The following IL18R1 variants were observed in gnomAD, a reference collection of about 807,000 sequenced individuals.
IL18R1 encodes the protein interleukin 18 receptor 1, also known as interleukin-18 receptor 1.
A neutral mutation model predicts 48.5 loss-of-function variants in IL18R1; 40 were observed. The observed-to-expected ratio is 0.82, with a 90% CI of 0.64 to 1.07. The LOEUF is 1.07. Ranked by LOEUF, IL18R1 falls within the 50% of genes least tolerant of loss-of-function variation. IL18R1 has a pLI of 0.00. For missense variants in IL18R1, 596 were observed against 633.7 expected (o/e 0.94, Z 0.64); for synonymous variants, 232 against 225.9 (o/e 1.03, Z -0.24).
chr2:102,368,590 G>A lies in IL18R1; in HGVS notation c.302+522G>A, dbSNP rs142648864. On this transcript the variant is annotated intron_variant, in intron 3 of 10. Transcript: ENST00000233957. ...GTCTGGCAGCCAATCGCAACCCACA[G>A]CTGGCGGCAGTGAGAGAGGGCAACA... 1.4e-3 allele frequency among the ~76,000 whole-genome samples: 207 copies of A among 152,252 alleles called. 1 individual carries two copies. The highest frequency in any genetic ancestry group is 4.7e-3 in the African/African-American group (197 of 41,538).
At chr2:102,389,738 A>G (rs889771100) in intron 8 of IL18R1, among the ~76,000 whole-genome samples, 1 of 152,286 alleles carries the variant, frequency 6.6e-6, no homozygotes, top group South Asian at 2.1e-4. Context: ...GTGAGTCCCT[A>G]TGTGTTTCAG....
At chr2:102,357,266 C>T (rs186254985) in intron 1 of IL18R1, among the ~76,000 whole-genome samples, 23 of 151,764 alleles carry the variant, frequency 1.5e-4, no homozygotes, top group African/African-American at 5.1e-4. Context: ...CTGAGGTGGG[C>T]GGATCATGAG....
At chr2:102,360,068 CA>C (rs559737702) in intron 1 of IL18R1, among the ~76,000 whole-genome samples, 6 of 152,102 alleles carry the variant, frequency 3.9e-5, no homozygotes, top group Non-Finnish European at 8.8e-5. Context: ...GCCCATCCTG[CA>C]AAAAAACTGA....
chr2:102,393,641 T>C (rs547768908), intron 9 of IL18R1, among the ~76,000 whole-genome samples: 1 of 152,296 alleles, frequency 6.6e-6, no homozygotes, highest in South Asian at 2.1e-4. Flanking sequence ...AGTAGCAAAT[T>C]CATTAATCCC....
In IL18R1 at chr2:102,371,930, AC is replaced by A. The variant is rs41342249; in HGVS notation, c.303-21del. On this transcript the variant is annotated intron_variant, in intron 3 of 10. Transcript: ENST00000233957. ...CAAAGTTTCTGTAGCATTATAAAAT[AC>A]CTTTACACTTTTATTCCATAGAAAT... is the stretch of plus-strand genomic sequence containing the variant. 5.2e-6 allele frequency: 7 copies of A among 1,353,070 alleles called. No individual in the cohort carries two copies. The Admixed American group carries it at 1.4e-4, about 28-fold the overall frequency. The allele number at this position is 1,353,070 out of a possible 1,614,324, so 83.8% of individuals were successfully genotyped here. A position where few individuals can be genotyped will look rare whatever the true frequency, so the allele number is the denominator to read the frequency against.
rs187970012 is a variant in IL18R1, at chr2:102,360,367, C to T, written c.-28-2266C>T. Among the ~76,000 whole-genome samples, 463 of 152,292 alleles carry T rather than the reference C, an allele frequency of 3.0e-3. 1 individual carries two copies. Among genetic ancestry groups the T allele is most frequent in the Admixed American group, 6.5e-3 (99 of 15,300 alleles). On this transcript the variant is annotated intron_variant, in intron 1 of 10. Transcript: ENST00000233957. ...CAAGCTCCGCCTCCCGGATTCACAC[C>T]ATTCTCCTGCCTCATCCTCCTTAGT...
rs1219433745 is a variant in IL18R1, at chr2:102,396,857, G to A, written c.1597G>A (p.Glu533Lys). 6.2e-7 allele frequency: 1 copy of A among 1,600,400 alleles called. No homozygotes were observed. The highest frequency in any genetic ancestry group is 1.8e-5 in the Admixed American group (1 of 56,586). Reference protein sequence around the residue: ...KTVKPGRDEPEVLPVLSES With the variant: ...KTVKPGRDEPKVLPVLSES ...AGTCAAGCCAGGTAGAGACGAACCG[G>A]AAGTCTTGCCTGTTCTTTCCGAGTC... The change falls in exon 11 of 11, where the codon GAA becomes AAA. Residue 533 changes from glutamate to lysine, a missense_variant. This residue lies in a region of IL18R1 where 179 missense variants were observed against 206.1 expected (regional missense o/e 0.87). Transcript: ENST00000233957.
Position 102,398,290 on chromosome 2 carries a change from C to T in IL18R1, c.*1404C>T, listed in dbSNP as rs1680922692. 1 of 152,374 alleles carries T rather than the reference C, an allele frequency of 6.6e-6. No homozygotes were observed. 9.4% of individuals were successfully genotyped at this position (152,374 alleles called of 1,614,324 possible). On this transcript the variant is annotated 3_prime_UTR_variant, in exon 11 of 11. Coordinates refer to ENST00000233957, the MANE Select transcript of IL18R1 (RefSeq NM_003855.5). ...TTCTTGATGATCTCAAAAATAATAG[C>T]TATTCAAGAAAATCACCAAGTGACT...
At chr2:102,393,245 A>G (rs767771301) in intron 9 of IL18R1, among the ~76,000 whole-genome samples, 2 of 134,064 alleles carry the variant, frequency 1.5e-5, no homozygotes, top group Non-Finnish European at 3.2e-5. Context: ...TATATTTGAT[A>G]GCAGTTTAAG....
At chr2:102,368,130 CA>C in intron 3 of IL18R1, 62 bp downstream of exon 3, 1 of 1,574,374 alleles carries the variant, frequency 6.4e-7, no homozygotes, top group Non-Finnish European at 8.7e-7. Context: ...TTCAGCAACT[CA>C]AATATGCAGT....
chr2:102,373,440 T>C (rs1204479400), intron 4 of IL18R1, among the ~76,000 whole-genome samples: 1 of 149,762 alleles, frequency 6.7e-6, no homozygotes, highest in Non-Finnish European at 1.5e-5. Flanking sequence ...GAGGGGAACA[T>C]CACACACCGG....
chr2:102,375,055 G>C (rs1429295343), intron 4 of IL18R1, among the ~76,000 whole-genome samples: 5 of 152,164 alleles, frequency 3.3e-5, no homozygotes, highest in Non-Finnish European at 7.4e-5. Context: ...GTACACATGT[G>C]GGTGCTTCAC....
At position 102,368,055 on chromosome 2, in the gene IL18R1, T is replaced by C. The variant is rs757515515; in HGVS notation, c.289T>C (p.Phe97Leu). The change falls in exon 3 of 11, where the codon TTT becomes CTT. Residue 97 changes from phenylalanine (F) to leucine (L), a missense_variant. Physicochemically the swap from Phe to Leu is conservative, Grantham distance 22. Around this residue, in one of 3 missense-constraint regions of IL18R1, gnomAD observed 360 missense variants for 339.4 expected, o/e 1.06. Coordinates refer to ENST00000233957, the MANE Select transcript of IL18R1 (RefSeq NM_003855.5). ...PVELNDTGSYFFQMKNYTQKW... is the reference protein window; with the variant it reads ...PVELNDTGSYLFQMKNYTQKW... The stretch of plus-strand genomic sequence containing the variant: ...TGAGTTGAATGACACAGGATCTTAC[T>C]TTTTCCAAATGAAGTGAGTAACCCT... 50 of 1,614,054 alleles carry C rather than the reference T, an allele frequency of 3.1e-5. No homozygotes were observed. Among genetic ancestry groups the C allele is most frequent in the Non-Finnish European group, 3.8e-5 (45 of 1,180,004 alleles).
At chr2:102,376,084 G>T in intron 5 of IL18R1, 21 bp downstream of exon 5, 1 of 1,534,352 alleles carries the variant, frequency 6.5e-7, no homozygotes, top group Non-Finnish European at 8.7e-7. Context: ...TCTTAGAATT[G>T]GGAAGAAACA....
intron 1 of IL18R1, among the ~76,000 whole-genome samples, chr2:102,358,507 G>A (rs914352235): frequency 1.3e-5 from 2 of 152,146 alleles, no homozygotes; most frequent in African/African-American, 4.8e-5. Context: ...ACACACGTAC[G>A]TACATATGTA....
intron 2 of IL18R1, among the ~76,000 whole-genome samples, chr2:102,365,167 T>G (rs1405517762): frequency 6.6e-6 from 1 of 152,030 alleles, no homozygotes; most frequent in Non-Finnish European, 1.5e-5. Context: ...AAGTCCAAAG[T>G]CTCATCTGAG....
At chr2:102,365,186 G>C (rs190872471) in intron 2 of IL18R1, among the ~76,000 whole-genome samples, 58 of 152,218 alleles carry the variant, frequency 3.8e-4, no homozygotes, top group African/African-American at 1.3e-3. Flanking sequence ...AGACAAGGAA[G>C]GTCCCTTCCT....
chr2:102,381,916 G>A (rs1679942770), intron 6 of IL18R1, among the ~76,000 whole-genome samples: 1 of 152,116 alleles, frequency 6.6e-6, no homozygotes, highest in Non-Finnish European at 1.5e-5. Flanking sequence ...GTGGTCTGTA[G>A]ACTAAGGTTT....
At chr2:102,392,355 A>G (rs1204539609) in intron 9 of IL18R1, among the ~76,000 whole-genome samples, 3 of 152,218 alleles carry the variant, frequency 2.0e-5, no homozygotes, top group African/African-American at 7.2e-5. Context: ...TTTGTCTTCA[A>G]ATAAACATTG....
Sources: gnomAD v4.1 joint callset for allele counts (sites outside exome capture counted in the v4.1 genomes callset) on GRCh38, gnomAD v4.1.1 for gene constraint, gnomAD v4.1.1 regional missense constraint, MANE v1.5 for transcripts, NCBI Gene and HGNC (gene_info 2026-07-23, HGNC 2026-07-21) for gene names.